The following MOGS variants were observed in gnomAD, a reference collection of about 807,000 sequenced individuals.
MOGS encodes the protein mannosyl-oligosaccharide glucosidase, also known as epididymis secretory sperm binding protein.
Under a neutral mutation model 68.5 loss-of-function variants are expected in MOGS, and 45 were observed. That is an observed-to-expected ratio of 0.66 (90% CI 0.52 to 0.84). The LOEUF is 0.84. Among genes scored for constraint, MOGS ranks in the 40% least tolerant of loss-of-function variants. MOGS has a pLI of 0.00. For missense variants in MOGS, 1,020 were observed against 1,095.0 expected, an observed-to-expected ratio of 0.93 and a Z score of 0.97; for synonymous variants, 492 against 461.2, an observed-to-expected ratio of 1.07 and a Z score of -0.86.
Position 74,464,898 on chromosome 2 carries a change from G to A in MOGS, c.350C>T (p.Thr117Ile), listed in dbSNP as rs1672021047. 6.2e-7 allele frequency: 1 copy of A among 1,606,032 alleles called. No individual in the cohort carries two copies. ...MKTRSPKPLL[T>I]GLMWAQQGTT... ...TGCCCGCCCTGGGGCCCGGTTACCG[G>A]TGAGGAGGGGCTTCGGGCTGCGGGT... The change falls in exon 1 of 4, where the codon ACC (threonine) becomes ATC (isoleucine). Residue 117 changes from threonine to isoleucine, a missense_variant and splice_region_variant. Physicochemically the swap from Thr to Ile is moderately conservative, Grantham distance 89. Around this residue, in one of 3 missense-constraint regions of MOGS, gnomAD observed 569 missense variants for 571.9 expected, o/e 0.99. Transcript: ENST00000448666.
Position 74,461,619 on chromosome 2 carries a change from T to A in MOGS, c.2170A>T (p.Ser724Cys). 2 of 1,613,974 alleles carry A rather than the reference T, an allele frequency of 1.2e-6. No homozygotes were observed. Among genetic ancestry groups the A allele is most frequent in the Non-Finnish European group, 1.7e-6 (2 of 1,179,926 alleles). The change falls in exon 4 of 4, where the codon AGC (serine) becomes TGC (cysteine). Residue 724 changes from serine to cysteine, a missense_variant. Physicochemically the swap from Ser to Cys is moderately radical, Grantham distance 112. Around this residue, in one of 3 missense-constraint regions of MOGS, gnomAD observed 270 missense variants for 261.3 expected, o/e 1.03. Transcript: ENST00000448666. ...GCAAGGGAGCGTAAACCAAAGGGGC[T>A]CCAGAGATGGCGGCTGTCGGCTAGA... ...DILADSRHLW[S>C]PFGLRSLAAS...
Position 74,461,407 on chromosome 2 carries a change from A to C in MOGS, c.2382T>G (p.Asn794Lys). ...CTGTAGCCTGGTACTGGCGCCATAC[A>C]TTGCCTACCACGTTGGCACGGAGCT... ...HGELRANVVG[N>K]VWRQYQATGF... is the part of the protein sequence containing the mutation. The change falls in exon 4 of 4, where the codon AAT becomes AAG. Residue 794 changes from asparagine (N) to lysine (K), a missense_variant. Transcript: ENST00000448666. 1 of 1,614,172 alleles carries C rather than the reference A, an allele frequency of 6.2e-7. No individual in the cohort carries two copies. Among genetic ancestry groups the C allele is most frequent in the Non-Finnish European group, 8.5e-7 (1 of 1,180,048 alleles).
In MOGS at chr2:74,461,975, G is replaced by A; in HGVS notation, c.1814C>T (p.Ala605Val). The change falls in exon 4 of 4, where the codon GCA becomes GTA. Residue 605 changes from alanine (A) to valine (V), a missense_variant. By Grantham distance (64) the Ala-to-Val change is moderately conservative (BLOSUM62 0). Coordinates refer to ENST00000448666, the MANE Select transcript of MOGS (RefSeq NM_006302.3). ...ERHLDLRCWV[A>V]LGARVLTRLA... Reference sequence around the variant, plus strand: ...CCGCGTCAGCACACGGGCACCCAGTGCCACCCAACATCGCAGGTCCAGGTG... The same window carrying A: ...CCGCGTCAGCACACGGGCACCCAGTACCACCCAACATCGCAGGTCCAGGTG... 2 of 1,614,214 alleles carry A rather than the reference G, an allele frequency of 1.2e-6. No homozygotes were observed. The highest frequency in any genetic ancestry group is 1.7e-6 in the Non-Finnish European group (2 of 1,180,038).
At position 74,461,537 on chromosome 2, in the gene MOGS, C is replaced by G; in HGVS notation, c.2252G>C (p.Arg751Pro). The stretch of plus-strand genomic sequence containing the variant: ...GTTGACATTGAGCCACACAGCACCC[C>G]GCCAGTAGGGGGGATCATGCTCTGA... ...RNSEHDPPYW[R>P]GAVWLNVNYL... Residue 751 changes from arginine to proline, a missense_variant, in exon 4 of 4, where the codon CGG becomes CCG. Physicochemically the swap from Arg to Pro is moderately radical, Grantham distance 103. This residue lies in a region of MOGS where 270 missense variants were observed against 261.3 expected (regional missense o/e 1.03). Transcript: ENST00000448666. 1.9e-6 allele frequency: 3 copies of G among 1,613,950 alleles called. No individual in the cohort carries two copies. The highest frequency in any genetic ancestry group is 2.5e-6 in the Non-Finnish European group (3 of 1,179,928).
rs1205987503 is a variant in MOGS, at chr2:74,462,006, C to T, written c.1783G>A (p.Glu595Lys). 6.2e-7 allele frequency: 1 copy of T among 1,614,052 alleles called. No individual in the cohort carries two copies. Among genetic ancestry groups the T allele is most frequent in the African/African-American group, 1.3e-5 (1 of 74,922 alleles). The stretch of plus-strand genomic sequence containing the variant: ...CAACATCGCAGGTCCAGGTGCCGCT[C>T]GGTTACTGAAGGGTGTGAAGCCCGG... Reference protein sequence around the residue: ...YPRASHPSVTERHLDLRCWVA... With the variant: ...YPRASHPSVTKRHLDLRCWVA... Residue 595 changes from glutamate (E) to lysine (K), a missense_variant, in exon 4 of 4, where the codon GAG becomes AAG. Around this residue, in one of 3 missense-constraint regions of MOGS, gnomAD observed 181 missense variants for 261.8 expected, o/e 0.69. Coordinates refer to ENST00000448666, the MANE Select transcript of MOGS (RefSeq NM_006302.3).
rs1030560787 is a variant in MOGS, at chr2:74,461,266, T to C, written c.*9A>G. ...CATGAGTGTCTTGGCTCCCCTCCTC[T>C]CCCTCCCTTCAGTAGTCTTCAGCCA... On this transcript the variant is annotated 3_prime_UTR_variant, in exon 4 of 4. Coordinates refer to ENST00000448666, the MANE Select transcript of MOGS (RefSeq NM_006302.3). The C allele has an allele frequency of 3.7e-6, 6 of 1,613,640 alleles. No individual in the cohort carries two copies. Among genetic ancestry groups the C allele is most frequent in the Non-Finnish European group, 5.1e-6 (6 of 1,179,976 alleles).
Position 74,461,545 on chromosome 2 carries a change from G to T in MOGS, c.2244C>A (p.Pro748=). 1 of 1,614,008 alleles carries T rather than the reference G, an allele frequency of 6.2e-7. No individual in the cohort carries two copies. Among genetic ancestry groups the T allele is most frequent in the East Asian group, 2.2e-5 (1 of 44,884 alleles). Residue 748 remains proline, a synonymous_variant, in exon 4 of 4, where the codon CCC becomes CCA. Transcript: ENST00000448666. The part of the protein sequence containing the change: ...YGQRNSEHDP[P]YWRGAVWLNV... Reference sequence around the variant, plus strand: ...TGAGCCACACAGCACCCCGCCAGTAGGGGGGATCATGCTCTGAATTGCGCT... The same window carrying T: ...TGAGCCACACAGCACCCCGCCAGTATGGGGGATCATGCTCTGAATTGCGCT...
In MOGS at chr2:74,465,052, A is replaced by T; in HGVS notation, c.196T>A (p.Tyr66Asn). 2.6e-6 allele frequency: 4 copies of T among 1,556,068 alleles called. No homozygotes were observed. Among genetic ancestry groups the T allele is most frequent in the Non-Finnish European group, 3.5e-6 (4 of 1,151,046 alleles). ...AGCGTGACCGCCCGCCGCGCACGGT[A>T]CCACGCCAGCACCCAGCGCCCCGAC... ...GMSGRWVLAW[Y>N]RARRAVTLHS... Residue 66 changes from tyrosine to asparagine, a missense_variant, in exon 1 of 4, where the codon TAC becomes AAC. By Grantham distance (143) the Tyr-to-Asn change is moderately radical. Transcript: ENST00000448666.
rs761323826 is a variant in MOGS at position 74,463,304 on chromosome 2, A to G, written c.662T>C (p.Val221Ala). 6.2e-7 allele frequency: 1 copy of G among 1,614,128 alleles called. No individual in the cohort carries two copies. The highest frequency in any genetic ancestry group is 8.5e-7 in the Non-Finnish European group (1 of 1,180,028). Reference sequence around the variant, plus strand: ...AAACTTCAACTGCCCCTTGGCCCCAACCTCTGGTAGTAGGACTTCCTTGCC... The same window carrying G: ...AAACTTCAACTGCCCCTTGGCCCCAGCCTCTGGTAGTAGGACTTCCTTGCC... Reference protein sequence around the residue: ...TDGKEVLLPEVGAKGQLKFIS... With the variant: ...TDGKEVLLPEAGAKGQLKFIS... Residue 221 changes from valine to alanine, a missense_variant, in exon 3 of 4, where the codon GTT becomes GCT. This residue lies in a region of MOGS where 569 missense variants were observed against 571.9 expected (regional missense o/e 0.99). Transcript: ENST00000448666.
Position 74,465,069 on chromosome 2 carries a change from C to G in MOGS, c.179G>C (p.Arg60Pro), listed in dbSNP as rs780350877. Residue 60 changes from arginine to proline, a missense_variant, in exon 1 of 4, where the codon CGC (arginine) becomes CCC (proline). This residue lies in a region of MOGS where 569 missense variants were observed against 571.9 expected (regional missense o/e 0.99). Transcript: ENST00000448666. ...CGCACGGTACCACGCCAGCACCCAG[C>G]GCCCCGACATACCCAGGGCCAAAGA... is the stretch of plus-strand genomic sequence containing the variant. ...VLSLALGMSGRWVLAWYRARR... is the reference protein window; with the variant it reads ...VLSLALGMSGPWVLAWYRARR... 16 of 1,555,528 alleles carry G rather than the reference C, an allele frequency of 1.0e-5. No homozygotes were observed. In the East Asian group the frequency reaches 3.6e-4, roughly 35 times the overall value.
rs781260708 is a variant in MOGS, at chr2:74,462,955, CTT to C, written c.832_833del (p.Lys278GlufsTer5). 3 of 1,614,228 alleles carry C rather than the reference CTT, an allele frequency of 1.9e-6. No individual in the cohort carries two copies. Among genetic ancestry groups the C allele is most frequent in the East Asian group, 4.5e-5 (2 of 44,894 alleles). ...PGLPLLTEMV[K>X]SRLNSWFQHR... ...GCTGAAACCAGCTATTTAGGCGACT[CTT>C]TACCATCTCTGTCAGCAGGGGCAGT... On this transcript the variant is annotated frameshift_variant, in exon 4 of 4. Coordinates refer to ENST00000448666, the MANE Select transcript of MOGS (RefSeq NM_006302.3). LOFTEE classifies it high-confidence loss of function.
At position 74,462,387 on chromosome 2, in the gene MOGS, G is replaced by A. The variant is rs930452465; in HGVS notation, c.1402C>T (p.Arg468Trp). The change falls in exon 4 of 4, where the codon CGG becomes TGG. Residue 468 changes from arginine (R) to tryptophan (W), a missense_variant. Transcript: ENST00000448666. Reference sequence around the variant, plus strand: ...CCCAGCCAGTGGCCAAGGGCTTCCCGGGTGAGGGAGGGATCCCACCGCTGA... The same window carrying A: ...CCCAGCCAGTGGCCAAGGGCTTCCCAGGTGAGGGAGGGATCCCACCGCTGA... ...VVQRWDPSLT[R>W]EALGHWLGLL... 5.6e-6 allele frequency: 9 copies of A among 1,614,048 alleles called. No homozygotes were observed. In the Admixed American group the frequency reaches 8.3e-5, roughly 15 times the overall value.
At chr2:74,463,641 C>A in intron 2 of MOGS, 1 of 413,994 alleles carries the variant, frequency 2.4e-6, no homozygotes, top group African/African-American at 2.1e-5. Context: ...GAACTCTACA[C>A]AGTTGATTTC....
intron 3 of MOGS, 69 bp from the exon 4 acceptor site, chr2:74,463,081 C>A (rs1196525126): frequency 3.7e-6 from 6 of 1,611,262 alleles, no homozygotes; most frequent in Non-Finnish European, 5.1e-6. Context: ...AAGAGAAATA[C>A]AAAGTGTTCA....
In MOGS at chr2:74,465,057, G is replaced by T. The variant is rs1489838524; in HGVS notation, c.191C>A (p.Ala64Glu). 4 of 1,555,908 alleles carry T rather than the reference G, an allele frequency of 2.6e-6. No homozygotes were observed. The highest frequency in any genetic ancestry group is 3.5e-6 in the Non-Finnish European group (4 of 1,151,238). ...GACCGCCCGCCGCGCACGGTACCAC[G>T]CCAGCACCCAGCGCCCCGACATACC... ...ALGMSGRWVLAWYRARRAVTL... is the reference protein window; with the variant it reads ...ALGMSGRWVLEWYRARRAVTL... Residue 64 changes from alanine to glutamate, a missense_variant, in exon 1 of 4, where the codon GCG (alanine) becomes GAG (glutamate). Coordinates refer to ENST00000448666, the MANE Select transcript of MOGS (RefSeq NM_006302.3).
chr2:74,463,639 C>A, intron 2 of MOGS: 1 of 428,258 alleles, frequency 2.3e-6, no homozygotes, highest in African/African-American at 2.0e-5. Flanking sequence ...AAGAACTCTA[C>A]ACAGTTGATT....
intron 3 of MOGS, 70 bp from the exon 4 acceptor site, chr2:74,463,082 A>C (rs1336725973): frequency 3.7e-6 from 6 of 1,611,328 alleles, no homozygotes; most frequent in Non-Finnish European, 5.1e-6. Flanking sequence ...AGAGAAATAC[A>C]AAGTGTTCAG....
Position 74,461,709 on chromosome 2 carries a change from G to A in MOGS, c.2080C>T (p.Leu694Phe), listed in dbSNP as rs531690574. ...QYVDALGYVS[L>F]FPLLLRLLDP... is the part of the protein sequence containing the mutation. ...AGCAGTCGCAGCAGCAAGGGAAAAA[G>A]ACTGACATAGCCAAGAGCATCTACA... Residue 694 changes from leucine (L) to phenylalanine (F), a missense_variant, in exon 4 of 4, where the codon CTT becomes TTT. Leu to Phe is a conservative substitution (Grantham distance 22). Transcript: ENST00000448666. 2 of 1,614,240 alleles carry A rather than the reference G, an allele frequency of 1.2e-6. No homozygotes were observed. The highest frequency in any genetic ancestry group is 2.2e-5 in the South Asian group (2 of 91,082).
rs923696314 is a variant in MOGS, at chr2:74,464,338, C to A, written c.579+158G>T. On this transcript the variant is annotated intron_variant, in intron 2 of 3. Transcript: ENST00000448666. ...TTGTACATTTTACAAGCAAGGAAAT[C>A]AAGGCTTAGAGATGGTAAATAGAAA... 57 of 643,138 alleles carry A rather than the reference C, an allele frequency of 8.9e-5. 1 individual carries two copies. The highest frequency in any genetic ancestry group is 7.9e-4 in the Admixed American group (29 of 36,688). The allele number at this position is 643,138 out of a possible 1,614,324, so 39.8% of individuals were successfully genotyped here.
Sources: allele counts gnomAD v4.1 joint callset, GRCh38; gene constraint gnomAD v4.1.1; regional missense constraint gnomAD v4.1.1; transcripts MANE v1.5; gene names NCBI Gene and HGNC (gene_info 2026-07-23, HGNC 2026-07-21).